The following MANBA variants were observed in gnomAD, a reference collection of about 807,000 sequenced individuals.
MANBA encodes the protein beta-mannosidase.
In MANBA, 83 loss-of-function variants were observed where a neutral mutation model predicts 111.1. The observed-to-expected ratio is 0.75, with a 90% confidence interval of 0.63 to 0.90. MANBA has a LOEUF of 0.90. MANBA is among the 40% of genes least tolerant of loss of function. MANBA has a pLI of 0.00. For synonymous variants in MANBA, 370 were observed against 378.7 expected (o/e 0.98, Z 0.27); for missense variants, 1,036 against 1,069.0 (o/e 0.97, Z 0.43).
chr4:102,709,847 G>T (rs1282834464), intron 5 of MANBA, among the ~76,000 whole-genome samples: 1 of 152,068 alleles, frequency 6.6e-6, no homozygotes, highest in Non-Finnish European at 1.5e-5. Context: ...GGGATGCAAG[G>T]ATCTTACATT....
At chr4:102,747,677 C>T (rs536108447) in intron 1 of MANBA, among the ~76,000 whole-genome samples, 30 of 152,326 alleles carry the variant, frequency 2.0e-4, no homozygotes, top group Non-Finnish European at 3.7e-4. Flanking sequence ...AGATCCCCAG[C>T]CCACGAGTCT....
At chr4:102,693,760 AAG>A (rs1732585859) in intron 5 of MANBA, among the ~76,000 whole-genome samples, 1 of 152,120 alleles carries the variant, frequency 6.6e-6, no homozygotes, top group African/African-American at 2.4e-5. Context: ...TGTGATCCTT[AAG>A]AGAAAAAGTT....
chr4:102,732,659 G>C (rs1047597361), intron 1 of MANBA, among the ~76,000 whole-genome samples: 1 of 152,230 alleles, frequency 6.6e-6, no homozygotes, highest in Non-Finnish European at 1.5e-5. Flanking sequence ...GGCTTTTAAG[G>C]TCTGGTTAAT....
intron 5 of MANBA, among the ~76,000 whole-genome samples, chr4:102,706,847 G>A (rs1733320030): frequency 6.6e-6 from 1 of 152,000 alleles, no homozygotes; most frequent in South Asian, 2.1e-4. Flanking sequence ...AGAACTTGAG[G>A]ACAGATTTTT....
chr4:102,760,753 C>A lies in MANBA; in HGVS notation c.142G>T (p.Val48Leu), dbSNP rs1469472083. ...LELPGAVPGC[V>L]HSALFQQGLI... ...CCCTGCTGGAACAAGGCGCTGTGCA[C>A]GCAGCCAGGGACCGCCCCGGGCAGC... is the stretch of plus-strand genomic sequence containing the variant. Residue 48 changes from valine (V) to leucine (L), a missense_variant, in exon 1 of 17, where the codon GTG (valine) becomes TTG (leucine). Coordinates refer to ENST00000647097, the MANE Select transcript of MANBA (RefSeq NM_005908.4). 5 of 1,548,054 alleles carry A rather than the reference C, an allele frequency of 3.2e-6. No individual in the cohort carries two copies. Among genetic ancestry groups the A allele is most frequent in the Middle Eastern group, 1.8e-4 (1 of 5,574 alleles).
chr4:102,676,176 A>G lies in MANBA; in HGVS notation c.961-2106T>C, dbSNP rs374079793. On this transcript the variant is annotated intron_variant, in intron 7 of 16. Coordinates refer to ENST00000647097, the MANE Select transcript of MANBA (RefSeq NM_005908.4). ...CTTTCTCTTGACTTTATGGATGTTA[A>G]TAACTTACCTTTTTGTGCGTTATGC... 2.6e-5 allele frequency among the ~76,000 whole-genome samples: 4 copies of G among 152,222 alleles called. No homozygotes were observed. In the East Asian group the frequency reaches 7.7e-4, roughly 29 times the overall value.
At chr4:102,632,465 T>C (rs981926317) in intron 16 of MANBA, among the ~76,000 whole-genome samples, 184 bp from the exon 17 acceptor site, 9 of 152,270 alleles carry the variant, frequency 5.9e-5, no homozygotes, top group African/African-American at 1.7e-4. Context: ...CTACAGGCTA[T>C]GGAACGTTAC....
intron 1 of MANBA, among the ~76,000 whole-genome samples, chr4:102,734,066 T>C (rs547541596): frequency 2.0e-4 from 31 of 152,244 alleles, no homozygotes; most frequent in African/African-American, 7.2e-4. Flanking sequence ...ACCCACAGCA[T>C]GTACAACCAA....
chr4:102,636,943 A>C (rs1284281548), intron 14 of MANBA, among the ~76,000 whole-genome samples: 2 of 152,158 alleles, frequency 1.3e-5, no homozygotes, highest in African/African-American at 2.4e-5. Context: ...GTAGGAGGTA[A>C]CTGAACCATG....
chr4:102,660,698 C>G (rs1213836067), intron 11 of MANBA, among the ~76,000 whole-genome samples: 1 of 151,068 alleles, frequency 6.6e-6, no homozygotes, highest in African/African-American at 2.4e-5. Context: ...TCAAATGTTC[C>G]CCCTGCCTCA....
intron 13 of MANBA, among the ~76,000 whole-genome samples, chr4:102,650,062 A>G (rs1730262215): frequency 6.6e-6 from 1 of 152,146 alleles, no homozygotes; most frequent in South Asian, 2.1e-4. Context: ...ATTAACTTGT[A>G]TATGGAGTCA....
chr4:102,666,534 G>A (rs1286794469), intron 10 of MANBA: 3 of 152,222 alleles, frequency 2.0e-5, no homozygotes, highest in Non-Finnish European at 4.4e-5. Context: ...AAGGTAAGAG[G>A]GGCCAAAGGA....
At chr4:102,657,222 TGG>T (rs1553944231) in intron 12 of MANBA, among the ~76,000 whole-genome samples, 1 of 52,204 alleles carries the variant, frequency 1.9e-5, no homozygotes, top group Non-Finnish European at 3.7e-5. Context: ...AGGAGTGGGG[TGG>T]GGGGGGGGTG....
intron 1 of MANBA, among the ~76,000 whole-genome samples, chr4:102,746,537 A>G (rs1411387244): frequency 1.3e-5 from 2 of 152,166 alleles, no homozygotes; most frequent in Non-Finnish European, 2.9e-5. Flanking sequence ...TTCTCCACAT[A>G]TGGTCAAAGG....
chr4:102,671,639 C>T (rs1417945671), intron 8 of MANBA, among the ~76,000 whole-genome samples: 2 of 152,148 alleles, frequency 1.3e-5, no homozygotes, highest in African/African-American at 4.8e-5. Context: ...CATTATTATA[C>T]TCTTTTTAAA....
intron 1 of MANBA, among the ~76,000 whole-genome samples, chr4:102,754,879 A>T (rs1269501669): frequency 1.3e-5 from 2 of 152,258 alleles, no homozygotes; most frequent in East Asian, 3.9e-4. Context: ...TGTATATTTA[A>T]TACTTATAAA....
chr4:102,644,878 AT>A (rs994982473), intron 13 of MANBA, among the ~76,000 whole-genome samples: 1 of 152,022 alleles, frequency 6.6e-6, no homozygotes, highest in Non-Finnish European at 1.5e-5. Context: ...ACAAATATAT[AT>A]TTTTAATTTA....
intron 9 of MANBA, among the ~76,000 whole-genome samples, chr4:102,670,535 A>T (rs1465090069): frequency 6.6e-6 from 1 of 152,184 alleles, no homozygotes; most frequent in African/African-American, 2.4e-5. Context: ...TGCAAAACAC[A>T]TTAAAAGTAC....
chr4:102,723,837 T>G, intron 3 of MANBA, 25 bp downstream of exon 3: 1 of 1,354,264 alleles, frequency 7.4e-7, no homozygotes, highest in South Asian at 1.2e-5. Flanking sequence ...AAATTTTTTT[T>G]AACCTAATGT....
Sources: gnomAD v4.1 joint callset for allele counts (sites outside exome capture counted in the v4.1 genomes callset) on GRCh38, gnomAD v4.1.1 for gene constraint, MANE v1.5 for transcripts, NCBI Gene and HGNC (gene_info 2026-07-23, HGNC 2026-07-21) for gene names.